NGEF: variants seen among roughly 807,000 people sequenced by gnomAD.
NGEF encodes ephexin-1.
Under a neutral mutation model 80.9 loss-of-function variants are expected in NGEF, and 31 were observed. The ratio of observed to expected loss-of-function variants is 0.38; its 90% CI spans 0.29 to 0.52. The LOEUF (loss-of-function observed/expected upper bound fraction) is 0.52, where lower values mean the gene tolerates loss of function less well. Among genes scored for constraint, NGEF ranks in the 20% least tolerant of loss-of-function variants. The probability of loss-of-function intolerance (pLI) is 0.84; values close to 1 mark genes in which losing one functional copy is unlikely to be tolerated. For missense variants in NGEF, 709 were observed against 926.2 expected, an observed-to-expected ratio of 0.77 and a Z score of 3.04; for synonymous variants, 371 against 370.2, an observed-to-expected ratio of 1.00 and a Z score of -0.03.
intron 3 of NGEF, among the ~76,000 whole-genome samples, chr2:232,928,546 G>A (rs1197914335): frequency 6.6e-6 from 1 of 152,142 alleles, no homozygotes; most frequent in Admixed American, 6.5e-5. Context: ...TCGGCGACCC[G>A]CTCTGAAGCT....
At chr2:232,945,448 T>C (rs936432247) in intron 3 of NGEF, among the ~76,000 whole-genome samples, 17 of 150,744 alleles carry the variant, frequency 1.1e-4, no homozygotes, top group Middle Eastern at 3.2e-3. Flanking sequence ...GGTGTCTTTA[T>C]AAGAGGAGGG....
intron 1 of NGEF, among the ~76,000 whole-genome samples, chr2:233,002,502 A>G (rs111562759): frequency 0.075 from 11,428 of 152,096 alleles, 1,431 homozygotes; most frequent in African/African-American, 0.26. Context: ...ACATAGCAAG[A>G]CCCTGTCTCT....
chr2:232,933,074 A>C (rs1054945901), intron 3 of NGEF, among the ~76,000 whole-genome samples: 5 of 151,650 alleles, frequency 3.3e-5, no homozygotes, highest in Admixed American at 3.3e-4. Flanking sequence ...GTGCCATTGC[A>C]CTCCAGCCTG....
intron 3 of NGEF, among the ~76,000 whole-genome samples, chr2:232,943,420 A>G (rs1444107089): frequency 6.6e-6 from 1 of 152,036 alleles, no homozygotes; most frequent in African/African-American, 2.4e-5. Flanking sequence ...TCCCTTCCTT[A>G]AACCCAGGGC....
intron 14 of NGEF, 30 bp downstream of exon 14, chr2:232,881,116 G>T: frequency 1.3e-6 from 2 of 1,594,160 alleles, no homozygotes; most frequent in South Asian, 1.1e-5. Context: ...GTTCCCCTGG[G>T]GGCCCCGAGG....
At chr2:232,945,868 A>C (rs1293516158) in intron 3 of NGEF, among the ~76,000 whole-genome samples, 1 of 147,312 alleles carries the variant, frequency 6.8e-6, no homozygotes, top group African/African-American at 2.5e-5. Context: ...ACTGATGTTG[A>C]GGACCTGGTT....
chr2:232,920,315 A>G lies in NGEF; in HGVS notation c.797T>C (p.Ile266Thr). 1 of 1,613,974 alleles carries G rather than the reference A, an allele frequency of 6.2e-7. No homozygotes were observed. Among genetic ancestry groups the G allele is most frequent in the Non-Finnish European group, 8.5e-7 (1 of 1,179,970 alleles). Residue 266 changes from isoleucine (I) to threonine (T), a missense_variant, in exon 5 of 15, where the codon ATC becomes ACC. Around this residue, in one of 2 missense-constraint regions of NGEF, gnomAD observed 426 missense variants for 622.9 expected, o/e 0.68. Coordinates refer to ENST00000264051, the MANE Select transcript of NGEF (RefSeq NM_019850.3). ...CAGCTTAATCTCCTCGGGCTGTAGG[A>G]TCTCAAGCACCCCGCTGCTCCGGAT... ...PEIRSSGVLEILQPEEIKLQE... is the reference protein window; with the variant it reads ...PEIRSSGVLETLQPEEIKLQE...
chr2:232,976,018 T>G (rs1028780707), intron 1 of NGEF, among the ~76,000 whole-genome samples: 3 of 152,276 alleles, frequency 2.0e-5, no homozygotes, highest in Admixed American at 6.5e-5. Context: ...CTGGCCAACA[T>G]GGAGAAACCC....
intron 1 of NGEF, among the ~76,000 whole-genome samples, chr2:233,002,031 A>G (rs1030806818): frequency 1.3e-5 from 2 of 152,032 alleles, no homozygotes; most frequent in Non-Finnish European, 2.9e-5. Flanking sequence ...AAATAAAAAA[A>G]AGAAAGTGAG....
intron 9 of NGEF, among the ~76,000 whole-genome samples, chr2:232,886,323 T>C (rs1691691744): frequency 6.6e-6 from 1 of 151,640 alleles, no homozygotes; most frequent in African/African-American, 2.4e-5. Flanking sequence ...ATGTGCTGTG[T>C]GTGTGTGCAG....
intron 1 of NGEF, among the ~76,000 whole-genome samples, chr2:232,989,866 G>A (rs1207531663): frequency 6.6e-6 from 1 of 152,130 alleles, no homozygotes; most frequent in Non-Finnish European, 1.5e-5. Context: ...ATACAATATA[G>A]CACATTTGTA....
chr2:232,879,388 A>G lies in NGEF; in HGVS notation c.*101T>C. On this transcript the variant is annotated 3_prime_UTR_variant, in exon 15 of 15. Transcript: ENST00000264051. ...CGGGCACCCCAAGCCAGATCCTGCC[A>G]CCTGGGGAGGTGCTGGCCTGTGCTT... 8.1e-7 allele frequency: 1 copy of G among 1,228,674 alleles called. No homozygotes were observed. The highest frequency in any genetic ancestry group is 1.1e-6 in the Non-Finnish European group (1 of 880,336). The allele number at this position is 1,228,674 out of a possible 1,614,324, so 76.1% of individuals were successfully genotyped here.
rs1472501895 is a variant in NGEF at position 232,892,593 on chromosome 2, G to T, written c.1142+305C>A. Among the ~76,000 whole-genome samples, 2 of 152,148 alleles carry T rather than the reference G, an allele frequency of 1.3e-5. No homozygotes were observed. Among genetic ancestry groups the T allele is most frequent in the Admixed American group, 6.5e-5 (1 of 15,272 alleles). On this transcript the variant is annotated intron_variant, in intron 7 of 14. Coordinates refer to ENST00000264051, the MANE Select transcript of NGEF (RefSeq NM_019850.3). The surrounding 1 kb of genome is among the most constrained non-coding windows in gnomAD (Gnocchi z 4.0). ...TCCACATGACCTCACTTGACCTCAA[G>T]CTCTCTTTTCTAACTGCACAGTGCT... is the stretch of plus-strand genomic sequence containing the variant.
At chr2:232,975,823 A>T (rs1326089287) in intron 1 of NGEF, among the ~76,000 whole-genome samples, 1 of 152,056 alleles carries the variant, frequency 6.6e-6, no homozygotes, top group Admixed American at 6.6e-5. Context: ...GGTCACATGG[A>T]TTCTATGGAG....
rs753016089 is a variant in NGEF, at chr2:232,881,151, T to A, written c.1937A>T (p.Asp646Val). Residue 646 changes from aspartate (D) to valine (V), a missense_variant, in exon 14 of 15, where the codon GAC (aspartate) becomes GTC (valine). By Grantham distance (152) the Asp-to-Val change is radical. Coordinates refer to ENST00000264051, the MANE Select transcript of NGEF (RefSeq NM_019850.3). ...ADILNILDKT[D>V]DGWIFGERLH... ...GGGAGGTCCCTGGGCCTCACCGTCG[T>A]CAGTCTTGTCCAGGATGTTGAGGAT... 72 of 1,612,110 alleles carry A rather than the reference T, an allele frequency of 4.5e-5. No individual in the cohort carries two copies. Among genetic ancestry groups the A allele is most frequent in the Non-Finnish European group, 5.8e-5 (69 of 1,179,936 alleles).
chr2:232,997,064 C>CTT (rs1251739374), intron 1 of NGEF, among the ~76,000 whole-genome samples: 1 of 152,108 alleles, frequency 6.6e-6, no homozygotes, highest in African/African-American at 2.4e-5. Flanking sequence ...CTCAGTGCAC[C>CTT]CTCATAGTTG....
chr2:232,901,424 A>G, intron 5 of NGEF: 1 of 985,256 alleles, frequency 1.0e-6, no homozygotes, highest in Non-Finnish European at 1.2e-6. Flanking sequence ...TTCCAGCCTG[A>G]TTTGGGTTGT....
chr2:232,956,303 C>T (rs907050608), intron 3 of NGEF, among the ~76,000 whole-genome samples: 1 of 152,024 alleles, frequency 6.6e-6, no homozygotes, highest in South Asian at 2.1e-4. Flanking sequence ...TCCATCAGTC[C>T]CTGCTTTCAC....
At chr2:232,949,817 G>GT (rs540579976) in intron 3 of NGEF, among the ~76,000 whole-genome samples, 13,701 of 132,876 alleles carry the variant, frequency 0.1, 760 homozygotes, top group African/African-American at 0.18. Flanking sequence ...TAAATTTTTG[G>GT]TTTTTTTTTT....
Sources: allele counts gnomAD v4.1 joint callset (sites outside exome capture counted in the v4.1 genomes callset), GRCh38; gene constraint gnomAD v4.1.1; regional missense constraint gnomAD v4.1.1; non-coding constraint Gnocchi (gnomAD v3.1); transcripts MANE v1.5; gene names NCBI Gene and HGNC (gene_info 2026-07-23, HGNC 2026-07-21).